SLC9C1: variants seen among roughly 807,000 people sequenced by gnomAD.
SLC9C1 encodes sodium/hydrogen exchanger 10.
A neutral mutation model predicts 140.9 loss-of-function variants in SLC9C1; 97 were observed. That is an observed-to-expected ratio of 0.69 (90% CI 0.58 to 0.82). The LOEUF (loss-of-function observed/expected upper bound fraction) is 0.82. SLC9C1 is among the 40% of genes least tolerant of loss of function. The pLI, the probability that SLC9C1 is intolerant of heterozygous loss-of-function variation, is 0.00. For missense variants in SLC9C1, 1,340 were observed against 1,389.3 expected (o/e 0.96, Z 0.56); for synonymous variants, 440 against 442.6 (o/e 0.99, Z 0.07).
chr3:112,225,377 T>A (rs758781047), intron 13 of SLC9C1, among the ~76,000 whole-genome samples: 16 of 152,006 alleles, frequency 1.1e-4, no homozygotes, highest in Admixed American at 5.9e-4. Context: ...TGCTTAAAAG[T>A]CCAATATCTG....
intron 12 of SLC9C1, among the ~76,000 whole-genome samples, chr3:112,238,354 T>G (rs990360406): frequency 2.0e-5 from 3 of 152,206 alleles, no homozygotes; most frequent in Admixed American, 1.3e-4. Context: ...AGTTAGCCAT[T>G]CGTCTAATCT....
At chr3:112,266,593 G>C (rs2079925255) in intron 7 of SLC9C1, among the ~76,000 whole-genome samples, 1 of 152,128 alleles carries the variant, frequency 6.6e-6, no homozygotes, top group African/African-American at 2.4e-5. Context: ...ATACCCCATT[G>C]AGGCTAGAGC....
intron 10 of SLC9C1, among the ~76,000 whole-genome samples, chr3:112,245,723 T>G (rs13101044): frequency 6.6e-6 from 1 of 151,956 alleles, no homozygotes; most frequent in African/African-American, 2.4e-5. Context: ...TATATGGAGT[T>G]TAGATTTTGG....
chr3:112,157,318 G>A (rs2075153053), intron 26 of SLC9C1, among the ~76,000 whole-genome samples: 1 of 151,858 alleles, frequency 6.6e-6, no homozygotes, highest in Admixed American at 6.6e-5. Flanking sequence ...TGTTGAAAAC[G>A]AGTTGGCTAT....
rs60790024 is a variant in SLC9C1 at position 112,233,073 on chromosome 3, T to TATATATATATA, written c.1447-1588_1447-1587insTATATATATAT. Among the ~76,000 whole-genome samples the TATATATATATA allele has an allele frequency of 7.1e-4, 97 of 136,340 alleles. 2 individuals carry two copies. In the East Asian group the frequency reaches 9.1e-3, roughly 13 times the overall value. 89.4% of individuals were successfully genotyped at this position (136,340 alleles called of 152,430 possible). ...CACATATATATATATATATATTATATTTTTTTTTTTTTTAAGAAAGGGTAT... is the reference window on the plus strand; with the variant it reads ...CACATATATATATATATATATTATATATATATATATATTTTTTTTTTTTTAAGAAAGGGTAT... On this transcript the variant is annotated intron_variant, in intron 12 of 28. Transcript: ENST00000305815.
intron 19 of SLC9C1, among the ~76,000 whole-genome samples, chr3:112,199,981 A>C (rs1025287653): frequency 4.6e-5 from 7 of 152,036 alleles, no homozygotes; most frequent in African/African-American, 7.2e-5. Flanking sequence ...AAGTCCATGA[A>C]AATTTCATCT....
chr3:112,264,307 C>T lies in SLC9C1; in HGVS notation c.915G>A (p.Met305Ile), dbSNP rs768766333. 1 of 1,481,472 alleles carries T rather than the reference C, an allele frequency of 6.8e-7. No homozygotes were observed. Among genetic ancestry groups the T allele is most frequent in the Non-Finnish European group, 9.0e-7 (1 of 1,117,058 alleles). 91.8% of individuals were successfully genotyped at this position (1,481,472 alleles called of 1,614,324 possible). The change falls in exon 9 of 29, where the codon ATG becomes ATA. Residue 305 changes from methionine to isoleucine, a missense_variant. Coordinates refer to ENST00000305815, the MANE Select transcript of SLC9C1 (RefSeq NM_183061.3). ...TTAGAAGTCCAAAGAAAGTAAACAC[C>T]ATGAGAAAAGCAATACGTGATAGAA... Reference protein sequence around the residue: ...WTFLSRIAFLMVFTFFGLLIP... With the variant: ...WTFLSRIAFLIVFTFFGLLIP...
Position 112,264,347 on chromosome 3 carries a change from C to T in SLC9C1, c.879-4G>A, listed in dbSNP as rs1209503505. On this transcript the variant is annotated splice_polypyrimidine_tract_variant and splice_region_variant and intron_variant, in intron 8 of 28. Coordinates refer to ENST00000305815, the MANE Select transcript of SLC9C1 (RefSeq NM_183061.3). The stretch of plus-strand genomic sequence containing the variant: ...ACGTGATAGAAAAGTCCAGAATCTG[C>T]ATCATTCAGAAAAAATTAAAAATAT... 1 of 1,421,074 alleles carries T rather than the reference C, an allele frequency of 7.0e-7. No individual in the cohort carries two copies. The highest frequency in any genetic ancestry group is 1.5e-5 in the African/African-American group (1 of 66,064). 88.0% of individuals were successfully genotyped at this position (1,421,074 alleles called of 1,614,324 possible).
intron 12 of SLC9C1, among the ~76,000 whole-genome samples, chr3:112,235,427 C>A (rs547325384): frequency 1.2e-4 from 18 of 151,174 alleles, no homozygotes; most frequent in Admixed American, 2.0e-4. Context: ...CAAACAGGGA[C>A]AATTTGACTT....
intron 13 of SLC9C1, among the ~76,000 whole-genome samples, chr3:112,222,808 G>T (rs543854518): frequency 3.2e-4 from 49 of 152,150 alleles, no homozygotes; most frequent in African/African-American, 1.1e-3. Context: ...AATTCTACAG[G>T]TATCCAAACA....
rs1163545223 is a variant in SLC9C1, at chr3:112,170,553, A to AT, written c.2920-1226dup. Among the ~76,000 whole-genome samples, 11 of 152,288 alleles carry AT rather than the reference A, an allele frequency of 7.2e-5. No homozygotes were observed. The South Asian group carries it at 2.1e-3, about 29-fold the overall frequency. On this transcript the variant is annotated intron_variant, in intron 23 of 28. Transcript: ENST00000305815. Reference sequence around the variant, plus strand: ...ATTATCAGATGTATGATTTACACATATTTTTTATAAGATAAAATATAGAAA... The same window carrying AT: ...ATTATCAGATGTATGATTTACACATATTTTTTTATAAGATAAAATATAGAAA...
At chr3:112,243,017 A>G (rs2079179440) in intron 11 of SLC9C1, among the ~76,000 whole-genome samples, 1 of 152,158 alleles carries the variant, frequency 6.6e-6, no homozygotes. Flanking sequence ...TCAAAAAATA[A>G]CAGATGCTGG....
intron 2 of SLC9C1, 99 bp from the exon 3 acceptor site, chr3:112,280,882 T>A: frequency 3.1e-6 from 3 of 966,584 alleles, no homozygotes; most frequent in Non-Finnish European, 4.6e-6. Flanking sequence ...TGTCTTACAG[T>A]TTCACTACTT....
At chr3:112,151,984 T>C in intron 27 of SLC9C1, 21 bp from the exon 28 acceptor site, 1 of 1,560,802 alleles carries the variant, frequency 6.4e-7, no homozygotes, top group East Asian at 2.3e-5. Context: ...AAACACTTTG[T>C]TACTTGATGT....
chr3:112,274,092 A>C (rs1298694656), intron 6 of SLC9C1, among the ~76,000 whole-genome samples: 2 of 152,184 alleles, frequency 1.3e-5, no homozygotes, highest in Non-Finnish European at 2.9e-5. Flanking sequence ...TTGATTTCAT[A>C]GACATCCTGA....
chr3:112,240,314 T>C (rs2079106910), intron 11 of SLC9C1, among the ~76,000 whole-genome samples: 1 of 152,234 alleles, frequency 6.6e-6, no homozygotes, highest in African/African-American at 2.4e-5. Flanking sequence ...AGGTGAGTCC[T>C]TTTTCCCAGT....
chr3:112,229,622 A>G (rs1183156871), intron 13 of SLC9C1, among the ~76,000 whole-genome samples: 1 of 151,772 alleles, frequency 6.6e-6, no homozygotes, highest in African/African-American at 2.4e-5. Context: ...GGCTGAGAAA[A>G]TTGTGTGCGT....
intron 7 of SLC9C1, among the ~76,000 whole-genome samples, chr3:112,269,504 C>A (rs187603229): frequency 6.6e-6 from 1 of 152,040 alleles, no homozygotes; most frequent in East Asian, 1.9e-4. Flanking sequence ...TTAATTTCTG[C>A]GAATTGTCTA....
At chr3:112,225,277 T>G (rs1189632397) in intron 13 of SLC9C1, among the ~76,000 whole-genome samples, 1 of 152,036 alleles carries the variant, frequency 6.6e-6, no homozygotes, top group Non-Finnish European at 1.5e-5. Context: ...CAATACTATA[T>G]CCAGAAAAGC....
Sources: allele counts gnomAD v4.1 joint callset (sites outside exome capture counted in the v4.1 genomes callset), GRCh38; gene constraint gnomAD v4.1.1; transcripts MANE v1.5; gene names NCBI Gene and HGNC (gene_info 2026-07-23, HGNC 2026-07-21).